Variants in NR1D2 observed in about 807,000 individuals in gnomAD.
NR1D2 encodes nuclear receptor subfamily 1 group D member 2.
Under a neutral mutation model 52.2 loss-of-function variants are expected in NR1D2, and 25 were observed. That is an observed-to-expected ratio of 0.48 (90% CI 0.35 to 0.67). The LOEUF is 0.67. Among genes scored for constraint, NR1D2 ranks in the 30% least tolerant of loss-of-function variants. NR1D2 has a pLI of 0.01. For missense variants in NR1D2, 681 were observed against 707.2 expected, an observed-to-expected ratio of 0.96 and a Z score of 0.42; for synonymous variants, 259 against 230.1, an observed-to-expected ratio of 1.13 and a Z score of -1.14.
At chr3:23,976,970 G>A (rs1207308762) in intron 7 of NR1D2, among the ~76,000 whole-genome samples, 1 of 150,938 alleles carries the variant, frequency 6.6e-6, no homozygotes, top group Non-Finnish European at 1.5e-5. Context: ...ATGTTCTTGT[G>A]AATAAAAATT....
At chr3:23,975,145 G>C (rs771760263) in intron 7 of NR1D2, among the ~76,000 whole-genome samples, 1 of 151,802 alleles carries the variant, frequency 6.6e-6, no homozygotes, top group Non-Finnish European at 1.5e-5. Flanking sequence ...TTTTGAGACA[G>C]CATCTCGCTC....
At chr3:23,949,181 CAT>C (rs1021958234) in intron 1 of NR1D2, among the ~76,000 whole-genome samples, 3 of 152,076 alleles carry the variant, frequency 2.0e-5, no homozygotes, top group Admixed American at 2.0e-4. Context: ...GCCTGGCTAA[CAT>C]GTGAAACCCT....
intron 1 of NR1D2, among the ~76,000 whole-genome samples, chr3:23,945,802 G>A (rs1705662384): frequency 6.7e-6 from 1 of 150,362 alleles, no homozygotes. Context: ...AAGCCGCAGC[G>A]CGGCCTGCCG....
intron 2 of NR1D2, among the ~76,000 whole-genome samples, chr3:23,955,660 A>T (rs1483016776): frequency 1.3e-5 from 2 of 152,130 alleles, no homozygotes; most frequent in East Asian, 3.9e-4. Context: ...TCTACTAAAA[A>T]TACAAAAATT....
chr3:23,971,303 ATTTT>A (rs11457044), intron 7 of NR1D2, among the ~76,000 whole-genome samples: 82 of 123,102 alleles, frequency 6.7e-4, no homozygotes, highest in African/African-American at 2.5e-3. Flanking sequence ...CTCTATACCT[ATTTT>A]TTTTTTTTTT....
intron 5 of NR1D2, chr3:23,964,659 A>G (rs1027598774): frequency 1.1e-5 from 2 of 188,690 alleles, no homozygotes; most frequent in African/African-American, 2.3e-5. Flanking sequence ...AACACCATAT[A>G]CTAGCATAAG....
intron 1 of NR1D2, among the ~76,000 whole-genome samples, chr3:23,948,657 G>T (rs1034812321): frequency 1.3e-5 from 2 of 152,208 alleles, no homozygotes; most frequent in Admixed American, 6.5e-5. Flanking sequence ...ATGAAGGAAG[G>T]TGCCGTTGCC....
intron 2 of NR1D2, among the ~76,000 whole-genome samples, 189 bp from the exon 3 acceptor site, chr3:23,955,848 A>C (rs575193915): frequency 1.3e-3 from 195 of 152,270 alleles, no homozygotes; most frequent in African/African-American, 4.1e-3. Context: ...CAAAACAAAA[A>C]AAAAACACCG....
intron 5 of NR1D2, chr3:23,964,710 A>C: frequency 3.3e-6 from 1 of 302,474 alleles, no homozygotes. Context: ...AACCTGTGCA[A>C]CAGGTGTTTG....
chr3:23,963,263 C>T, intron 5 of NR1D2: 1 of 1,351,610 alleles, frequency 7.4e-7, no homozygotes, highest in Non-Finnish European at 9.8e-7. Flanking sequence ...CCAAAAACAG[C>T]AGTACCACAC....
intron 3 of NR1D2, among the ~76,000 whole-genome samples, chr3:23,958,889 C>G (rs1348914183): frequency 6.6e-6 from 1 of 152,176 alleles, no homozygotes; most frequent in Non-Finnish European, 1.5e-5. Context: ...GTGGAGGTTG[C>G]AGTGAGCTGA....
Position 23,977,350 on chromosome 3 carries a change from G to T in NR1D2, c.1671G>T (p.Lys557Asn). The T allele has an allele frequency of 6.2e-7, 1 of 1,613,796 alleles. No homozygotes were observed. Among genetic ancestry groups the T allele is most frequent in the Non-Finnish European group, 8.5e-7 (1 of 1,179,856 alleles). The stretch of plus-strand genomic sequence containing the variant: ...CTATTTTTACAAAACTGCTTCTAAA[G>T]TTGCCAGATCTTCGATCTTTAAACA... The part of the protein sequence containing the change: ...EASIFTKLLL[K>N]LPDLRSLNNM... Residue 557 changes from lysine (K) to asparagine (N), a missense_variant, in exon 8 of 8, where the codon AAG becomes AAT. By Grantham distance (94) the Lys-to-Asn change is moderately conservative. Coordinates refer to ENST00000312521, the MANE Select transcript of NR1D2 (RefSeq NM_005126.5).
rs192412014 is a variant in NR1D2, at chr3:23,974,320, C to A, written c.1544-2903C>A. 2.4e-3 allele frequency among the ~76,000 whole-genome samples: 362 copies of A among 152,082 alleles called. 1 individual carries two copies. Among genetic ancestry groups the A allele is most frequent in the African/African-American group, 8.2e-3 (340 of 41,470 alleles). ...TTATTAAGTGTAATAGGTTTGCTTA[C>A]CCCAGCATCACTATAAACGTGTTAG... On this transcript the variant is annotated intron_variant, in intron 7 of 7. Coordinates refer to ENST00000312521, the MANE Select transcript of NR1D2 (RefSeq NM_005126.5).
chr3:23,951,618 T>G (rs1705935881), intron 1 of NR1D2, among the ~76,000 whole-genome samples: 1 of 152,240 alleles, frequency 6.6e-6, no homozygotes, highest in African/African-American at 2.4e-5. Flanking sequence ...TCTCTTTGGA[T>G]TCACAGGGTA....
At chr3:23,964,082 CTT>C (rs546330405) in intron 5 of NR1D2, among the ~76,000 whole-genome samples, 10 of 139,762 alleles carry the variant, frequency 7.2e-5, no homozygotes, top group African/African-American at 1.3e-4. Context: ...ACTTTTTTTT[CTT>C]TTTTTTTTTT....
chr3:23,959,903 C>A, intron 4 of NR1D2, 88 bp downstream of exon 4: 1 of 1,230,698 alleles, frequency 8.1e-7, no homozygotes, highest in Non-Finnish European at 1.1e-6. Context: ...AACCGGTTAC[C>A]AAGGACCCTC....
At position 23,980,482 on chromosome 3, in the gene NR1D2, G is replaced by GT. The variant is rs1706847296; in HGVS notation, c.*3063_*3064insT. The GT allele has an allele frequency of 6.6e-6, 1 of 151,982 alleles. No individual in the cohort carries two copies. The highest frequency in any genetic ancestry group is 2.4e-5 in the African/African-American group (1 of 41,394). 9.4% of individuals were successfully genotyped at this position (151,982 alleles called of 1,614,324 possible). ...ATGGCTATTGTTTAAAAAAATGATA[G>GT]AAATACATTGTTGATGGGATATGAG... On this transcript the variant is annotated 3_prime_UTR_variant, in exon 8 of 8. Transcript: ENST00000312521.
intron 3 of NR1D2, among the ~76,000 whole-genome samples, chr3:23,957,365 A>G (rs1171815605): frequency 1.4e-5 from 2 of 147,830 alleles, no homozygotes; most frequent in African/African-American, 5.0e-5. Context: ...TCATTGTTTA[A>G]AAAAGATTCT....
At chr3:23,946,063 A>T (rs946684337) in intron 1 of NR1D2, 1 of 977,780 alleles carries the variant, frequency 1.0e-6, no homozygotes, top group Non-Finnish European at 1.2e-6. Flanking sequence ...GGAGCGCCGC[A>T]GCCTCCCGGG....
Sources: allele counts gnomAD v4.1 joint callset (sites outside exome capture counted in the v4.1 genomes callset), GRCh38; gene constraint gnomAD v4.1.1; transcripts MANE v1.5; gene names NCBI Gene and HGNC (gene_info 2026-07-23, HGNC 2026-07-21).